The following SUMF1 variants were observed in gnomAD, a reference collection of about 807,000 sequenced individuals.
SUMF1 encodes the protein sulfatase modifying factor 1.
In SUMF1, 48 loss-of-function variants were observed where a neutral mutation model predicts 47.6. The observed-to-expected ratio is 1.01, with a 90% CI of 0.80 to 1.28. The LOEUF (loss-of-function observed/expected upper bound fraction) is 1.28. SUMF1 is among the 50% of genes most tolerant of loss of function. The pLI is 0.00. For missense variants in SUMF1, 571 were observed against 485.4 expected (o/e 1.18, Z -1.66); for synonymous variants, 230 against 192.1 (o/e 1.20, Z -1.63).
At chr3:4,419,928 T>A in intron 4 of SUMF1, 136 bp downstream of exon 4, 1 of 777,770 alleles carries the variant, frequency 1.3e-6, no homozygotes, top group Non-Finnish European at 2.2e-6. Context: ...ACCATCTTAT[T>A]TTCCTACCAA....
chr3:4,126,736 T>C (rs1272385813), intron 8 of SUMF1, among the ~76,000 whole-genome samples: 2 of 152,022 alleles, frequency 1.3e-5, no homozygotes, highest in East Asian at 3.9e-4. Flanking sequence ...ACCTATAATA[T>C]AAGGAAAGTA....
At chr3:4,253,260 C>G (rs1202511385) in intron 8 of SUMF1, among the ~76,000 whole-genome samples, 1 of 152,106 alleles carries the variant, frequency 6.6e-6, no homozygotes, top group Non-Finnish European at 1.5e-5. Flanking sequence ...GGGGAGGAGC[C>G]AAGATGGCCG....
intron 8 of SUMF1, among the ~76,000 whole-genome samples, chr3:4,167,379 C>T (rs754966959): frequency 4.6e-5 from 7 of 152,274 alleles, no homozygotes; most frequent in Non-Finnish European, 1.0e-4. Context: ...ACTGGCTACT[C>T]TTAGACTCCT....
At chr3:4,068,786 A>C in intron 8 of SUMF1, 1 of 296,650 alleles carries the variant, frequency 3.4e-6, no homozygotes, top group South Asian at 2.9e-5. Context: ...AATAATAATA[A>C]CATGAATAGG....
intron 8 of SUMF1, among the ~76,000 whole-genome samples, chr3:4,153,516 T>C (rs1694384277): frequency 9.3e-6 from 1 of 108,092 alleles, no homozygotes; most frequent in Non-Finnish European, 2.2e-5. Flanking sequence ...ATGCCCCGCC[T>C]TGTAGGTTTT....
chr3:4,420,309 A>C (rs1000465259), intron 3 of SUMF1, among the ~76,000 whole-genome samples, 163 bp from the exon 4 acceptor site: 1 of 152,226 alleles, frequency 6.6e-6, no homozygotes, highest in Non-Finnish European at 1.5e-5. Flanking sequence ...TATGTAAATA[A>C]ATCTTTAACA....
Position 4,183,772 on chromosome 3 carries a change from TA to T in SUMF1, c.1015-115028del, listed in dbSNP as rs1362773930. 2.6e-5 allele frequency among the ~76,000 whole-genome samples: 4 copies of T among 152,272 alleles called. No homozygotes were observed. The East Asian group carries it at 7.7e-4, about 29-fold the overall frequency. Reference sequence around the variant, plus strand: ...ATATGCAAAACCAATGGAAGGTGGCTAAAAGGAAATAGGATTCTCATTAATT... The same window carrying T: ...ATATGCAAAACCAATGGAAGGTGGCTAAAGGAAATAGGATTCTCATTAATT... On this transcript the variant is annotated intron_variant and NMD_transcript_variant, in intron 8 of 12. Transcript: ENST00000448413.
intron 5 of SUMF1, 115 bp downstream of exon 5, chr3:4,417,895 G>A (rs577907052): frequency 1.3e-6 from 2 of 1,560,258 alleles, no homozygotes; most frequent in Admixed American, 3.4e-5. Context: ...ATAAGAAAAA[G>A]AATTATTGTC....
chr3:4,267,166 G>A (rs1227395101), intron 8 of SUMF1, among the ~76,000 whole-genome samples: 1 of 152,070 alleles, frequency 6.6e-6, no homozygotes, highest in Non-Finnish European at 1.5e-5. Context: ...TGTTCATCAA[G>A]GATATTGGTC....
In SUMF1 at chr3:4,241,853, G is replaced by A. The variant is rs1340920223; in HGVS notation, c.1014+134477C>T. On this transcript the variant is annotated intron_variant and NMD_transcript_variant, in intron 8 of 12. Transcript: ENST00000448413. ...AGATTTTATATACAGGCTTGAGGAG[G>A]CAGTGTCTGATTTACATAGGGCCTA... Among the ~76,000 whole-genome samples, 3 of 152,264 alleles carry A rather than the reference G, an allele frequency of 2.0e-5. 1 individual carries two copies. Among genetic ancestry groups the A allele is most frequent in the South Asian group, 4.1e-4 (2 of 4,826 alleles).
chr3:4,297,457 C>T (rs1415343091), intron 8 of SUMF1, among the ~76,000 whole-genome samples: 1 of 152,010 alleles, frequency 6.6e-6, no homozygotes, highest in Non-Finnish European at 1.5e-5. Flanking sequence ...ATCCAGGCTG[C>T]AGTACGGTGG....
intron 8 of SUMF1, among the ~76,000 whole-genome samples, chr3:4,336,549 G>C (rs1362615128): frequency 6.6e-6 from 1 of 152,196 alleles, no homozygotes; most frequent in Non-Finnish European, 1.5e-5. Context: ...TTTCCCTTTG[G>C]CATAGTGAGT....
In SUMF1 at chr3:4,192,668, T is replaced by C. The variant is rs1214622031; in HGVS notation, c.1015-123923A>G. 2.0e-5 allele frequency among the ~76,000 whole-genome samples: 3 copies of C among 152,146 alleles called. No individual in the cohort carries two copies. The East Asian group carries it at 5.8e-4, about 29-fold the overall frequency. ...GGTTCCTTGCATAATACATGTTTTA[T>C]GCTAATGAGGTAACTCAGGATGGGT... On this transcript the variant is annotated intron_variant and NMD_transcript_variant, in intron 8 of 12. Coordinates refer to the SUMF1 transcript ENST00000448413.
At chr3:4,169,288 C>T (rs904271346) in intron 8 of SUMF1, among the ~76,000 whole-genome samples, 1 of 152,134 alleles carries the variant, frequency 6.6e-6, no homozygotes, top group Non-Finnish European at 1.5e-5. Context: ...ATCTATGAAT[C>T]TGACTTTACA....
At chr3:4,432,292 A>G (rs1702257490) in intron 3 of SUMF1, among the ~76,000 whole-genome samples, 1 of 151,342 alleles carries the variant, frequency 6.6e-6, no homozygotes, top group Non-Finnish European at 1.5e-5. Flanking sequence ...GTACTTCCAA[A>G]TATCAGATCA....
At chr3:4,110,721 T>C (rs1473681159) in intron 8 of SUMF1, among the ~76,000 whole-genome samples, 1 of 151,574 alleles carries the variant, frequency 6.6e-6, no homozygotes, top group Non-Finnish European at 1.5e-5. Context: ...GAAACCATCA[T>C]TCTCAGCAAT....
At chr3:4,230,340 T>A (rs1200282242) in intron 8 of SUMF1, among the ~76,000 whole-genome samples, 1 of 152,128 alleles carries the variant, frequency 6.6e-6, no homozygotes, top group African/African-American at 2.4e-5. Context: ...CCCACAATCA[T>A]AAGTGCCAAC....
At position 4,112,308 on chromosome 3, in the gene SUMF1, A is replaced by G. The variant is rs577342329; in HGVS notation, c.1015-43563T>C. 1.3e-3 allele frequency among the ~76,000 whole-genome samples: 193 copies of G among 152,272 alleles called. 2 individuals carry two copies. Among genetic ancestry groups the G allele is most frequent in the Admixed American group, 6.7e-3 (103 of 15,302 alleles). On this transcript the variant is annotated intron_variant and NMD_transcript_variant, in intron 8 of 12. Transcript: ENST00000448413. ...CAAGAGCATGTTTCTTTCTTTATAC[A>G]CATGCCAATGCTGAGAGGGATAGCC...
chr3:4,448,508 C>G (rs987258450), intron 3 of SUMF1, among the ~76,000 whole-genome samples: 4 of 152,166 alleles, frequency 2.6e-5, no homozygotes, highest in Admixed American at 2.0e-4. Flanking sequence ...ATTCTCTACC[C>G]TCTTTGTTTT....
Sources: gnomAD v4.1 joint callset for allele counts (sites outside exome capture counted in the v4.1 genomes callset) on GRCh38, gnomAD v4.1.1 for gene constraint, MANE v1.5 for transcripts, NCBI Gene and HGNC (gene_info 2026-07-23, HGNC 2026-07-21) for gene names.